The following NTNG1 variants were observed in gnomAD, a reference collection of about 807,000 sequenced individuals.
The protein encoded by NTNG1 is netrin G1.
In NTNG1, 16 loss-of-function variants were observed where a neutral mutation model predicts 54.0. The ratio of observed to expected loss-of-function variants is 0.30; its 90% CI spans 0.20 to 0.45. NTNG1 has a LOEUF of 0.45. NTNG1 is among the 20% of genes least tolerant of loss of function. NTNG1 has a pLI of 1.00. For synonymous variants in NTNG1, 255 were observed against 263.1 expected (o/e 0.97, Z 0.30); for missense variants, 530 against 678.7 (o/e 0.78, Z 2.43).
chr1:107,359,994 T>G (rs986566880), intron 3 of NTNG1, among the ~76,000 whole-genome samples: 2 of 152,190 alleles, frequency 1.3e-5, no homozygotes, highest in African/African-American at 4.8e-5. Context: ...ATTTTACTTA[T>G]TTTTTATTTG....
rs530966199 is a variant in NTNG1, at chr1:107,355,383, T to C, written c.887+30461T>C. Among the ~76,000 whole-genome samples, 404 of 152,212 alleles carry C rather than the reference T, an allele frequency of 2.7e-3. 2 individuals carry two copies. Among genetic ancestry groups the C allele is most frequent in the African/African-American group, 9.3e-3 (388 of 41,546 alleles). On this transcript the variant is annotated intron_variant, in intron 3 of 7. Coordinates refer to ENST00000370068, the MANE Select transcript of NTNG1 (RefSeq NM_001113226.3). The stretch of plus-strand genomic sequence containing the variant: ...GTTTTTTTAATTCTTAGCTTATAAT[T>C]GATGGTAATTTATCTTTCCCAATTC...
intron 2 of NTNG1, among the ~76,000 whole-genome samples, chr1:107,216,727 G>T (rs1326006312): frequency 2.6e-5 from 4 of 151,468 alleles, no homozygotes; most frequent in Admixed American, 6.6e-5. Context: ...CGCCCAGCTG[G>T]AATGTAGTGG....
At chr1:107,155,396 G>C (rs997961499) in intron 2 of NTNG1, among the ~76,000 whole-genome samples, 21 of 151,800 alleles carry the variant, frequency 1.4e-4, no homozygotes, top group African/African-American at 5.1e-4. Context: ...TCATTCTCTT[G>C]ACTTTTTAAC....
intron 3 of NTNG1, among the ~76,000 whole-genome samples, chr1:107,357,195 G>A (rs1245091036): frequency 6.6e-6 from 1 of 152,068 alleles, no homozygotes; most frequent in Non-Finnish European, 1.5e-5. Flanking sequence ...AGGTTACAGA[G>A]GACTAACTTA....
intron 7 of NTNG1, among the ~76,000 whole-genome samples, chr1:107,460,683 C>A (rs1318995952): frequency 6.6e-6 from 1 of 152,112 alleles, no homozygotes; most frequent in African/African-American, 2.4e-5. Flanking sequence ...TAGGAGGTAG[C>A]CTAGCTGTGA....
chr1:107,151,444 T>C lies in NTNG1; in HGVS notation c.246+2605T>C, dbSNP rs183676619. Among the ~76,000 whole-genome samples, 322 of 152,290 alleles carry C rather than the reference T, an allele frequency of 2.1e-3. 4 individuals carry two copies. Among genetic ancestry groups the C allele is most frequent in the African/African-American group, 7.4e-3 (309 of 41,558 alleles). Reference sequence around the variant, plus strand: ...CCTCCTTGACGCTTGCATCCATACCTGCTCCCTCAGAGTCATTATGGCCTA... The same window carrying C: ...CCTCCTTGACGCTTGCATCCATACCCGCTCCCTCAGAGTCATTATGGCCTA... On this transcript the variant is annotated intron_variant, in intron 2 of 7. Coordinates refer to ENST00000370068, the MANE Select transcript of NTNG1 (RefSeq NM_001113226.3).
In NTNG1 at chr1:107,324,818, C is replaced by T. The variant is rs1214138691; in HGVS notation, c.783C>T (p.Asp261=). 1.2e-6 allele frequency: 2 copies of T among 1,613,510 alleles called. No individual in the cohort carries two copies. The highest frequency in any genetic ancestry group is 1.7e-6 in the Non-Finnish European group (2 of 1,179,732). The part of the protein sequence containing the change: ...KKLRDFFTVT[D]LRIRLLRPAV... ...TCAGAGATTTCTTTACAGTCACAGA[C>T]CTGAGGATAAGGCTGTTAAGACCAG... The change falls in exon 3 of 8, where the codon GAC becomes GAT. Residue 261 remains aspartate (D), a synonymous_variant. Coordinates refer to ENST00000370068, the MANE Select transcript of NTNG1 (RefSeq NM_001113226.3).
chr1:107,261,390 TTTG>T (rs1386196627), intron 2 of NTNG1, among the ~76,000 whole-genome samples: 2 of 152,158 alleles, frequency 1.3e-5, no homozygotes, highest in African/African-American at 4.8e-5. Context: ...AATAAGGGAA[TTTG>T]TTAACATCAG....
intron 7 of NTNG1, among the ~76,000 whole-genome samples, chr1:107,442,498 C>T (rs1676029229): frequency 6.6e-6 from 1 of 152,102 alleles, no homozygotes; most frequent in African/African-American, 2.4e-5. Flanking sequence ...ATTTCAGTCC[C>T]TACACTGTGT....
chr1:107,366,303 T>C (rs1449013802), intron 3 of NTNG1, among the ~76,000 whole-genome samples: 1 of 152,114 alleles, frequency 6.6e-6, no homozygotes, highest in Non-Finnish European at 1.5e-5. Context: ...CCTACAAATA[T>C]AGATCGGAAG....
chr1:107,327,724 G>A (rs948458437), intron 3 of NTNG1, among the ~76,000 whole-genome samples: 1 of 152,012 alleles, frequency 6.6e-6, no homozygotes, highest in African/African-American at 2.4e-5. Flanking sequence ...CCATAATGTG[G>A]AAATTGACAT....
chr1:107,352,087 C>T (rs978184422), intron 3 of NTNG1, among the ~76,000 whole-genome samples: 1 of 152,236 alleles, frequency 6.6e-6, no homozygotes, highest in Non-Finnish European at 1.5e-5. Context: ...CAGGGTTCAG[C>T]CCCTGTGGCT....
At chr1:107,351,360 G>A (rs1053867641) in intron 3 of NTNG1, among the ~76,000 whole-genome samples, 4 of 152,198 alleles carry the variant, frequency 2.6e-5, no homozygotes, top group African/African-American at 9.7e-5. Context: ...TCACAGTTCT[G>A]CAGGCTATAC....
At chr1:107,323,152 A>C (rs144944436) in intron 2 of NTNG1, among the ~76,000 whole-genome samples, 2 of 152,194 alleles carry the variant, frequency 1.3e-5, no homozygotes, top group African/African-American at 4.8e-5. Context: ...GTAATTACAA[A>C]AGGAAGCCCA....
intron 2 of NTNG1, among the ~76,000 whole-genome samples, chr1:107,207,846 G>C (rs1461518005): frequency 3.3e-5 from 5 of 152,142 alleles, no homozygotes; most frequent in Admixed American, 3.3e-4. Flanking sequence ...CTCAATGATA[G>C]TTAAAATTCC....
chr1:107,140,129 C>G (rs749122020), upstream of NTNG1: 142 of 154,466 alleles, frequency 9.2e-4, 1 homozygote, highest in Non-Finnish European at 1.6e-3. Flanking sequence ...CAGCTGCAGC[C>G]GGAGCAGCAC....
chr1:107,166,440 A>G (rs1655799390), intron 2 of NTNG1, among the ~76,000 whole-genome samples: 2 of 152,164 alleles, frequency 1.3e-5, no homozygotes, highest in African/African-American at 4.8e-5. Flanking sequence ...TCTATAAGCA[A>G]TCTTTAAATG....
intron 3 of NTNG1, among the ~76,000 whole-genome samples, chr1:107,389,496 A>G (rs1672232954): frequency 6.6e-6 from 1 of 152,228 alleles, no homozygotes; most frequent in African/African-American, 2.4e-5. Context: ...TAAATGTTGG[A>G]GCATTTTTAT....
At chr1:107,417,705 T>C (rs1469540259) in intron 5 of NTNG1, among the ~76,000 whole-genome samples, 1 of 152,018 alleles carries the variant, frequency 6.6e-6, no homozygotes, top group Non-Finnish European at 1.5e-5. Context: ...ACACAAGAGA[T>C]GTGGTTTTGA....
Sources: allele counts gnomAD v4.1 joint callset (sites outside exome capture counted in the v4.1 genomes callset), GRCh38; gene constraint gnomAD v4.1.1; transcripts MANE v1.5; gene names NCBI Gene and HGNC (gene_info 2026-07-23, HGNC 2026-07-21).